Variants in MAN1A1 observed in about 807,000 individuals in gnomAD.
MAN1A1 encodes the protein mannosidase alpha class 1A member 1.
In MAN1A1, 29 loss-of-function variants were observed where a neutral mutation model predicts 70.8. The ratio of observed to expected loss-of-function variants is 0.41; its 90% CI spans 0.31 to 0.56. The LOEUF is 0.56. Among genes scored for constraint, MAN1A1 ranks in the 20% least tolerant of loss-of-function variants. The pLI, the probability that MAN1A1 is intolerant of heterozygous loss-of-function variation, is 0.29. For missense variants in MAN1A1, 747 were observed against 841.3 expected, an observed-to-expected ratio of 0.89 and a Z score of 1.39; for synonymous variants, 349 against 330.1, an observed-to-expected ratio of 1.06 and a Z score of -0.62.
intron 2 of MAN1A1, among the ~76,000 whole-genome samples, chr6:119,336,991 CAATAAAATAACAG>C (rs1164317308): frequency 6.6e-6 from 1 of 151,970 alleles, no homozygotes; most frequent in African/African-American, 2.4e-5. Context: ...AAACACTTTT[CAATAAAATAACAG>C]AATCTTTATA....
At chr6:119,283,841 T>C (rs9489664) in intron 5 of MAN1A1, among the ~76,000 whole-genome samples, 57,399 of 151,946 alleles carry the variant, frequency 0.38, 11,333 homozygotes, top group Non-Finnish European at 0.41. Context: ...TAAGGCCACA[T>C]GGACCAGTGG....
At position 119,349,018 on chromosome 6, in the gene MAN1A1, G is replaced by A. The variant is rs768246788; in HGVS notation, c.48C>T (p.Gly16=). 8 of 1,369,428 alleles carry A rather than the reference G, an allele frequency of 5.8e-6. No individual in the cohort carries two copies. In the East Asian group the frequency reaches 8.7e-5, roughly 15 times the overall value. The allele number at this position is 1,369,428 out of a possible 1,614,324, so 84.8% of individuals were successfully genotyped here. A position where few individuals can be genotyped will look rare whatever the true frequency, so the allele number is the denominator to read the frequency against. Residue 16 remains glycine, a synonymous_variant, in exon 2 of 13, where the codon GGC becomes GGT. Transcript: ENST00000368468. ...LLPLFSSPAG[G]VLGGGLGGGG... The stretch of plus-strand genomic sequence containing the variant: ...CGCCGCCGAGCCCCCCGCCCAGGAC[G>A]CCGCCCGCGGGGCTGCTGAAGAGCG...
chr6:119,317,465 C>G (rs539521549), intron 2 of MAN1A1, among the ~76,000 whole-genome samples: 1 of 152,296 alleles, frequency 6.6e-6, no homozygotes, highest in East Asian at 1.9e-4. Flanking sequence ...ATTGGAATCA[C>G]AAAATACGTA....
intron 9 of MAN1A1, among the ~76,000 whole-genome samples, chr6:119,190,407 G>C (rs1773412724): frequency 6.6e-6 from 1 of 152,146 alleles, no homozygotes; most frequent in Non-Finnish European, 1.5e-5. Context: ...TCAAATTCCA[G>C]CTCTGACACT....
intron 5 of MAN1A1, among the ~76,000 whole-genome samples, chr6:119,276,325 T>C (rs966904050): frequency 3.9e-5 from 6 of 152,226 alleles, no homozygotes; most frequent in Non-Finnish European, 5.9e-5. Context: ...TACCCCCTTA[T>C]CATGTAAATC....
At chr6:119,252,450 A>C (rs1775343824) in intron 5 of MAN1A1, among the ~76,000 whole-genome samples, 1 of 152,210 alleles carries the variant, frequency 6.6e-6, no homozygotes, top group Admixed American at 6.5e-5. Context: ...AACATCAACA[A>C]CACATTTGGC....
chr6:119,279,979 A>C (rs1383073430), intron 5 of MAN1A1, among the ~76,000 whole-genome samples: 1 of 152,234 alleles, frequency 6.6e-6, no homozygotes, highest in Non-Finnish European at 1.5e-5. Flanking sequence ...ACAGAACTGA[A>C]CATCTGTTTT....
intron 6 of MAN1A1, among the ~76,000 whole-genome samples, chr6:119,208,320 A>G (rs1773941856): frequency 6.6e-6 from 1 of 152,190 alleles, no homozygotes; most frequent in South Asian, 2.1e-4. Context: ...TATATGTTTC[A>G]ATTTTTAAAT....
intron 6 of MAN1A1, among the ~76,000 whole-genome samples, chr6:119,226,014 CATCT>C (rs1230381713): frequency 6.6e-6 from 1 of 152,166 alleles, no homozygotes; most frequent in Non-Finnish European, 1.5e-5. Context: ...CCTATCCATG[CATCT>C]ATCTGAATTT....
chr6:119,325,562 C>T (rs1050869469), intron 2 of MAN1A1, among the ~76,000 whole-genome samples: 1 of 152,086 alleles, frequency 6.6e-6, no homozygotes, highest in Non-Finnish European at 1.5e-5. Flanking sequence ...GAGGCTGAGG[C>T]AGGAGAATCG....
At chr6:119,339,451 A>T (rs919640261) in intron 2 of MAN1A1, among the ~76,000 whole-genome samples, 1 of 152,258 alleles carries the variant, frequency 6.6e-6, no homozygotes, top group African/African-American at 2.4e-5. Flanking sequence ...TGCCAACATA[A>T]AATGACACTT....
intron 2 of MAN1A1, among the ~76,000 whole-genome samples, chr6:119,343,311 C>T (rs1157701291): frequency 6.6e-6 from 1 of 152,148 alleles, no homozygotes; most frequent in Admixed American, 6.6e-5. Context: ...ATGCGCAACA[C>T]TCACAGAAGA....
intron 6 of MAN1A1, among the ~76,000 whole-genome samples, chr6:119,233,228 C>T (rs962388295): frequency 1.3e-5 from 2 of 152,146 alleles, no homozygotes; most frequent in African/African-American, 4.8e-5. Context: ...TGTTTAAGTA[C>T]TTTCCAAGCG....
intron 4 of MAN1A1, among the ~76,000 whole-genome samples, chr6:119,295,251 C>A (rs929483977): frequency 1.3e-5 from 2 of 152,056 alleles, no homozygotes; most frequent in Non-Finnish European, 2.9e-5. Context: ...GACAAGACAG[C>A]ACTTTAAACA....
At chr6:119,283,524 T>G (rs9481898) in intron 5 of MAN1A1, among the ~76,000 whole-genome samples, 57,366 of 151,354 alleles carry the variant, frequency 0.38, 11,317 homozygotes, top group Non-Finnish European at 0.41. Flanking sequence ...TATAATAATA[T>G]CGTATGCAGA....
rs1272494688 is a variant in MAN1A1, at chr6:119,204,804, A to G, written c.1071T>C (p.Phe357=). The G allele has an allele frequency of 1.2e-6, 2 of 1,613,926 alleles. No individual in the cohort carries two copies. The highest frequency in any genetic ancestry group is 1.7e-6 in the Non-Finnish European group (2 of 1,179,918). Residue 357 remains phenylalanine (F), a synonymous_variant, in exon 7 of 13, where the codon TTT becomes TTC. Coordinates refer to ENST00000368468, the MANE Select transcript of MAN1A1 (RefSeq NM_005907.4). ...TTCCTGATAAGTGGCTCAAGTGCAT[A>G]AACTCCAAATGCAGGGTTCCAAATT... The part of the protein sequence containing the change: ...LAEFGTLHLE[F]MHLSHLSGNP...
chr6:119,281,572 C>T (rs944431829), intron 5 of MAN1A1, among the ~76,000 whole-genome samples: 1 of 152,168 alleles, frequency 6.6e-6, no homozygotes, highest in African/African-American at 2.4e-5. Context: ...GCTGCCCCAG[C>T]AGGTTGGACT....
At chr6:119,319,855 G>T (rs1233729461) in intron 2 of MAN1A1, among the ~76,000 whole-genome samples, 2 of 152,148 alleles carry the variant, frequency 1.3e-5, no homozygotes, top group Admixed American at 1.3e-4. Context: ...AGGTCAATGG[G>T]TATCTTTGCT....
Position 119,290,268 on chromosome 6 carries a change from A to G in MAN1A1, c.897+415T>C, listed in dbSNP as rs535147047. On this transcript the variant is annotated intron_variant, in intron 5 of 12. Transcript: ENST00000368468. Reference sequence around the variant, plus strand: ...CCCCCTTAATTACATAAAAACTACAATTTTTATATCTTACTTGCCAGGCTT... The same window carrying G: ...CCCCCTTAATTACATAAAAACTACAGTTTTTATATCTTACTTGCCAGGCTT... 3.9e-5 allele frequency among the ~76,000 whole-genome samples: 6 copies of G among 151,992 alleles called. No homozygotes were observed. The South Asian group carries it at 6.2e-4, about 16-fold the overall frequency.
Sources: gnomAD v4.1 joint callset for allele counts (sites outside exome capture counted in the v4.1 genomes callset) on GRCh38, gnomAD v4.1.1 for gene constraint, MANE v1.5 for transcripts, NCBI Gene and HGNC (gene_info 2026-07-23, HGNC 2026-07-21) for gene names.